The following SLC44A3 variants were observed in gnomAD, a reference collection of about 807,000 sequenced individuals.
The protein encoded by SLC44A3 is choline transporter-like protein 3.
SLC44A3 carries 74 observed loss-of-function variants against 75.4 expected under a neutral mutation model. That is an observed-to-expected ratio of 0.98 (90% CI 0.81 to 1.19). SLC44A3 has a LOEUF of 1.19. Among genes scored for constraint, SLC44A3 ranks in the 50% most tolerant of loss-of-function variants. The pLI is 0.00. For missense variants in SLC44A3, 700 were observed against 778.6 expected (o/e 0.90, Z 1.20); for synonymous variants, 310 against 296.9 (o/e 1.04, Z -0.45).
At chr1:94,827,371 T>C (rs944072973) in intron 3 of SLC44A3, 136 bp from the exon 4 acceptor site, 18 of 1,128,668 alleles carry the variant, frequency 1.6e-5, no homozygotes, top group Non-Finnish European at 2.3e-5. Flanking sequence ...AAATGTTCAA[T>C]TATGCTGAAA....
intron 12 of SLC44A3, among the ~76,000 whole-genome samples, chr1:94,868,616 G>A (rs1667429077): frequency 6.6e-6 from 1 of 152,198 alleles, no homozygotes; most frequent in South Asian, 2.1e-4. Context: ...TATAGCTATT[G>A]TGTATATATC....
At chr1:94,828,963 G>A (rs12117440) in intron 5 of SLC44A3, among the ~76,000 whole-genome samples, 33,054 of 152,050 alleles carry the variant, frequency 0.22, 4,378 homozygotes, top group South Asian at 0.31. Context: ...TACTTTGGCC[G>A]GGCATGGTGG....
chr1:94,889,524 TCACACA>T (rs57397808), intron 12 of SLC44A3, among the ~76,000 whole-genome samples: 17 of 111,724 alleles, frequency 1.5e-4, no homozygotes, highest in African/African-American at 3.7e-4. Flanking sequence ...GTGAACATAA[TCACACA>T]CACACACACA....
At position 94,857,356 on chromosome 1, in the gene SLC44A3, G is replaced by C; in HGVS notation, c.1094G>C (p.Gly365Ala). Residue 365 changes from glycine to alanine, a missense_variant, in exon 10 of 15, where the codon GGC (glycine) becomes GCC (alanine). Coordinates refer to ENST00000271227, the MANE Select transcript of SLC44A3 (RefSeq NM_001114106.3). ...GTAGAAQVME[G>A]GQVEYKPLSG... is the part of the protein sequence containing the mutation. ...TTAGGAGCTGCCCAGGTTATGGAAG[G>C]CGGCCAAGTGGAATATAAGCCCCTT... 6.2e-7 allele frequency: 1 copy of C among 1,610,332 alleles called. No individual in the cohort carries two copies. The highest frequency in any genetic ancestry group is 8.5e-7 in the Non-Finnish European group (1 of 1,178,732).
At chr1:94,884,764 C>A (rs12121091) in intron 12 of SLC44A3, among the ~76,000 whole-genome samples, 14,833 of 152,126 alleles carry the variant, frequency 0.098, 763 homozygotes, top group Middle Eastern at 0.11. Context: ...GCATGATGGA[C>A]AAAAGGCTGA....
At chr1:94,836,357 AG>A (rs1194069094) in intron 5 of SLC44A3, among the ~76,000 whole-genome samples, 1 of 152,212 alleles carries the variant, frequency 6.6e-6, no homozygotes, top group African/African-American at 2.4e-5. Flanking sequence ...AGCTAAAAAA[AG>A]GTCAACTTTC....
intron 12 of SLC44A3, among the ~76,000 whole-genome samples, chr1:94,878,015 A>C (rs1476555683): frequency 2.0e-5 from 3 of 152,162 alleles, no homozygotes; most frequent in Non-Finnish European, 4.4e-5. Flanking sequence ...CGGGTGGATC[A>C]CGAGGTCAGG....
At chr1:94,884,125 C>G (rs752523830) in intron 12 of SLC44A3, among the ~76,000 whole-genome samples, 29 of 152,258 alleles carry the variant, frequency 1.9e-4, no homozygotes, top group Admixed American at 1.0e-3. Context: ...ATAGCACGAC[C>G]CTGTTCGTGG....
At chr1:94,820,862 G>A (rs911675697) in intron 1 of SLC44A3, 87 bp from the exon 2 acceptor site, 1 of 1,345,298 alleles carries the variant, frequency 7.4e-7, no homozygotes, top group African/African-American at 1.5e-5. Context: ...GGTTACTTTG[G>A]CCCCTCTTCG....
chr1:94,820,677 C>T, intron 1 of SLC44A3, 199 bp downstream of exon 1: 1 of 1,379,074 alleles, frequency 7.3e-7, no homozygotes, highest in Non-Finnish European at 9.3e-7. Flanking sequence ...GGGGGAGACG[C>T]GGGCCGCGGG....
intron 12 of SLC44A3, among the ~76,000 whole-genome samples, chr1:94,873,522 A>T (rs534956032): frequency 6.6e-6 from 1 of 152,004 alleles, no homozygotes; most frequent in Non-Finnish European, 1.5e-5. Context: ...CCTCTCCCCA[A>T]CCTGCTCTGC....
intron 9 of SLC44A3, among the ~76,000 whole-genome samples, chr1:94,850,435 A>G (rs1665066554): frequency 6.6e-6 from 1 of 152,244 alleles, no homozygotes; most frequent in African/African-American, 2.4e-5. Context: ...ACAATAGAAG[A>G]GAACCATATT....
chr1:94,892,159 C>G, intron 13 of SLC44A3, 122 bp from the exon 14 acceptor site: 1 of 914,950 alleles, frequency 1.1e-6, no homozygotes, highest in Non-Finnish European at 1.7e-6. Context: ...GACAAGCATT[C>G]TTTACAATAG....
chr1:94,851,706 A>G (rs1230804980), intron 9 of SLC44A3, among the ~76,000 whole-genome samples: 1 of 152,196 alleles, frequency 6.6e-6, no homozygotes, highest in Admixed American at 6.5e-5. Flanking sequence ...ATGCTGCCAG[A>G]GCCGAAGCTG....
intron 10 of SLC44A3, among the ~76,000 whole-genome samples, chr1:94,863,679 G>C (rs973622220): frequency 4.6e-5 from 7 of 152,128 alleles, no homozygotes; most frequent in African/African-American, 1.7e-4. Context: ...ACACTGTGTT[G>C]AAACACACAT....
intron 12 of SLC44A3, among the ~76,000 whole-genome samples, chr1:94,872,083 A>G (rs183171159): frequency 6.6e-6 from 1 of 152,208 alleles, no homozygotes; most frequent in Non-Finnish European, 1.5e-5. Flanking sequence ...ACTTCTGTTG[A>G]GTATTCCATT....
At chr1:94,881,510 C>T (rs1571435308) in intron 12 of SLC44A3, among the ~76,000 whole-genome samples, 1 of 151,426 alleles carries the variant, frequency 6.6e-6, no homozygotes. Context: ...CAAGACCATC[C>T]TGGCTAACAT....
At chr1:94,893,750 GGTAT>G (rs1378714575) in intron 14 of SLC44A3, among the ~76,000 whole-genome samples, 2 of 152,240 alleles carry the variant, frequency 1.3e-5, no homozygotes, top group South Asian at 4.2e-4. Flanking sequence ...TTATGATGGT[GGTAT>G]GTAGCTAGCC....
intron 5 of SLC44A3, 117 bp from the exon 6 acceptor site, chr1:94,837,594 C>T (rs973680878): frequency 6.6e-5 from 63 of 955,614 alleles, no homozygotes; most frequent in African/African-American, 1.2e-4. Context: ...GCATGCTAGA[C>T]GCCTCTCTAT....
Sources: gnomAD v4.1 joint callset for allele counts (sites outside exome capture counted in the v4.1 genomes callset) on GRCh38, gnomAD v4.1.1 for gene constraint, MANE v1.5 for transcripts, NCBI Gene and HGNC (gene_info 2026-07-23, HGNC 2026-07-21) for gene names.